PCDHGB3: variants seen among roughly 807,000 people sequenced by gnomAD.
The protein encoded by PCDHGB3 is protocadherin gamma subfamily B, 3, also known as protocadherin gamma-B3.
Under a neutral mutation model 59.2 loss-of-function variants are expected in PCDHGB3, and 40 were observed. That is an observed-to-expected ratio of 0.68 (90% CI 0.52 to 0.88). The LOEUF (loss-of-function observed/expected upper bound fraction) is 0.88, where lower values mean the gene tolerates loss of function less well. Ranked by LOEUF, PCDHGB3 falls within the 40% of genes least tolerant of loss-of-function variation. PCDHGB3 has a pLI of 0.00. For synonymous variants in PCDHGB3, 581 were observed against 503.6 expected, an observed-to-expected ratio of 1.15 and a Z score of -2.06; for missense variants, 1,309 against 1,187.9, an observed-to-expected ratio of 1.10 and a Z score of -1.50.
rs1254986724 is a variant in PCDHGB3, at chr5:141,490,928, C to G, written c.2416-3879C>G. ...CTAGACGAGAATGATAATGCCCCAGCTGTGCTGCACCCACGGCCAGACTGG... is the reference window on the plus strand; with the variant it reads ...CTAGACGAGAATGATAATGCCCCAGGTGTGCTGCACCCACGGCCAGACTGG... On this transcript the variant is annotated intron_variant, in intron 1 of 3. Transcript: ENST00000576222. The surrounding 1 kb of genome is among the most constrained non-coding windows in gnomAD (Gnocchi z 5.4). 2 of 1,613,466 alleles carry G rather than the reference C, an allele frequency of 1.2e-6. No homozygotes were observed. Among genetic ancestry groups the G allele is most frequent in the Non-Finnish European group, 1.7e-6 (2 of 1,179,624 alleles).
chr5:141,387,885 A>G, intron 1 of PCDHGB3: 2 of 1,578,800 alleles, frequency 1.3e-6, no homozygotes, highest in Non-Finnish European at 1.7e-6. Context: ...AGCAAGAGGG[A>G]TGGGGAGCGG....
In PCDHGB3 at chr5:141,490,267, G is replaced by A. The variant is rs765238578; in HGVS notation, c.2416-4540G>A. ...TGTGATTCAAGTGGATGTGGGGGAT[G>A]TCAATGACAATGCCCCAGAGGTGCT... On this transcript the variant is annotated intron_variant, in intron 1 of 3. Transcript: ENST00000576222. The surrounding 1 kb of genome is among the most constrained non-coding windows in gnomAD (Gnocchi z 5.4). The A allele has an allele frequency of 6.2e-7, 1 of 1,614,242 alleles. No homozygotes were observed. The highest frequency in any genetic ancestry group is 1.1e-5 in the South Asian group (1 of 91,084).
chr5:141,490,419 G>C lies in PCDHGB3; in HGVS notation c.2416-4388G>C. The C allele has an allele frequency of 6.2e-7, 1 of 1,614,170 alleles. No homozygotes were observed. Among genetic ancestry groups the C allele is most frequent in the Non-Finnish European group, 8.5e-7 (1 of 1,180,020 alleles). ...TGAGCCTTGATATCTCTCCGGACCT[G>C]CCATTTCAGATTAAGCCTTCTGAGA... On this transcript the variant is annotated intron_variant, in intron 1 of 3. Transcript: ENST00000576222. The surrounding 1 kb of genome is among the most constrained non-coding windows in gnomAD (Gnocchi z 5.4).
intron 1 of PCDHGB3, chr5:141,389,942 G>T: frequency 1.2e-6 from 2 of 1,614,070 alleles, no homozygotes; most frequent in African/African-American, 2.7e-5. Flanking sequence ...AGGCTGAGCT[G>T]CAGTTTTACC....
chr5:141,376,606 A>C (rs1349467952), intron 1 of PCDHGB3: 1 of 1,502,986 alleles, frequency 6.7e-7, no homozygotes, highest in African/African-American at 1.4e-5. Context: ...TATAGAAGCG[A>C]ACCTCTTTTG....
chr5:141,414,533 C>T, intron 1 of PCDHGB3: 1 of 1,613,960 alleles, frequency 6.2e-7, no homozygotes, highest in Non-Finnish European at 8.5e-7. Flanking sequence ...AATGACAACC[C>T]ACCTACCTTC....
At chr5:141,418,726 G>C (rs1399333996) in intron 1 of PCDHGB3, 1 of 1,613,986 alleles carries the variant, frequency 6.2e-7, no homozygotes, top group Non-Finnish European at 8.5e-7. Flanking sequence ...ACAAAGCTCA[G>C]CACGTGTTCT....
In PCDHGB3 at chr5:141,476,506, C is replaced by T; in HGVS notation, c.2416-18301C>T. 1 of 1,614,068 alleles carries T rather than the reference C, an allele frequency of 6.2e-7. No homozygotes were observed. ...AAGTGGTGATCCAGGACATCAACGA[C>T]AACAATCCTGCTTTCCCTACCCAGG... On this transcript the variant is annotated intron_variant, in intron 1 of 3. Transcript: ENST00000576222. This position sits in a 1 kb window ranked among gnomAD's most constrained non-coding sequence, Gnocchi z 7.6.
chr5:141,475,715 C>A (rs989484033), intron 1 of PCDHGB3, among the ~76,000 whole-genome samples: 3 of 152,366 alleles, frequency 2.0e-5, no homozygotes, highest in South Asian at 4.1e-4. Context: ...AGCCTCACAG[C>A]CCCAAGGCTG....
At chr5:141,466,376 C>A (rs1046432765) in intron 1 of PCDHGB3, among the ~76,000 whole-genome samples, 1 of 151,904 alleles carries the variant, frequency 6.6e-6, no homozygotes, top group Non-Finnish European at 1.5e-5. Flanking sequence ...GTTTTGGCAC[C>A]CATCTAATGG....
intron 1 of PCDHGB3, chr5:141,423,618 C>CT (rs1300844043): frequency 1.9e-6 from 3 of 1,608,282 alleles, no homozygotes; most frequent in Admixed American, 1.7e-5. Flanking sequence ...TAGCTGAAGA[C>CT]TCAGCTATCA....
Position 141,477,029 on chromosome 5 carries a change from A to G in PCDHGB3, c.2416-17778A>G. 6.2e-7 allele frequency: 1 copy of G among 1,614,238 alleles called. No homozygotes were observed. The highest frequency in any genetic ancestry group is 8.5e-7 in the Non-Finnish European group (1 of 1,180,040). ...CTTAGACCTTGTAACCGGGATGCTG[A>G]CAATCAAGGGTCGGCTGGACTTCGA... On this transcript the variant is annotated intron_variant, in intron 1 of 3. Coordinates refer to ENST00000576222, the MANE Select transcript of PCDHGB3 (RefSeq NM_018924.5). The surrounding 1 kb of genome is among the most constrained non-coding windows in gnomAD (Gnocchi z 4.9).
chr5:141,371,505 A>G lies in PCDHGB3; in HGVS notation c.1111A>G (p.Thr371Ala). 6.2e-7 allele frequency: 1 copy of G among 1,613,908 alleles called. No homozygotes were observed. The highest frequency in any genetic ancestry group is 8.5e-7 in the Non-Finnish European group (1 of 1,179,820). The change falls in exon 1 of 4, where the codon ACA (threonine) becomes GCA (alanine). Residue 371 changes from threonine to alanine, a missense_variant. Transcript: ENST00000576222. ...GGGGACTGCCGTTGCCCTGATCAAA[A>G]CACATGATCTAGATTCTGGATTTAA... ...ELGTAVALIK[T>A]HDLDSGFNGE...
chr5:141,509,575 T>C (rs186302231), intron 3 of PCDHGB3, among the ~76,000 whole-genome samples: 153 of 152,320 alleles, frequency 1.0e-3, no homozygotes, highest in African/African-American at 3.7e-3. Flanking sequence ...TCACAGTGCG[T>C]ACAAATCAGC....
chr5:141,459,139 A>G (rs1592605909), intron 1 of PCDHGB3, among the ~76,000 whole-genome samples: 1 of 152,360 alleles, frequency 6.6e-6, no homozygotes, highest in Non-Finnish European at 1.5e-5. Flanking sequence ...ACCACCATGC[A>G]ATCAAAATAT....
In PCDHGB3 at chr5:141,477,955, C is replaced by T. The variant is rs748233998; in HGVS notation, c.2416-16852C>T. The T allele has an allele frequency of 3.7e-6, 6 of 1,614,004 alleles. No homozygotes were observed. Among genetic ancestry groups the T allele is most frequent in the Admixed American group, 3.3e-5 (2 of 59,988 alleles). On this transcript the variant is annotated intron_variant, in intron 1 of 3. Transcript: ENST00000576222. This position sits in a 1 kb window ranked among gnomAD's most constrained non-coding sequence, Gnocchi z 4.9. ...GGCTCTCCTACAGTCTCTTGGGATCCCCTAACCAGAGCCTTTTTGCCATAG... is the reference window on the plus strand; with the variant it reads ...GGCTCTCCTACAGTCTCTTGGGATCTCCTAACCAGAGCCTTTTTGCCATAG...
At chr5:141,444,599 A>G (rs373366708) in intron 1 of PCDHGB3, among the ~76,000 whole-genome samples, 2 of 152,108 alleles carry the variant, frequency 1.3e-5, no homozygotes, top group African/African-American at 2.4e-5. Flanking sequence ...CCTTATTTAA[A>G]ATTGATTTTT....
intron 1 of PCDHGB3, among the ~76,000 whole-genome samples, chr5:141,464,625 T>C (rs1477206347): frequency 6.6e-6 from 1 of 152,190 alleles, no homozygotes; most frequent in East Asian, 1.9e-4. Context: ...TGTCAAGCTT[T>C]TTAATTGTTG....
chr5:141,505,577 G>A lies in PCDHGB3; in HGVS notation c.2563+96G>A, dbSNP rs537948666. 8.2e-6 allele frequency: 13 copies of A among 1,589,854 alleles called. No homozygotes were observed. The African/African-American group carries it at 1.1e-4, about 13-fold the overall frequency. Reference sequence around the variant, plus strand: ...TGCCCACGGACTGGATGTCAAACCTGTGTAGTTTCTCCAGATCTTTCGGCA... The same window carrying A: ...TGCCCACGGACTGGATGTCAAACCTATGTAGTTTCTCCAGATCTTTCGGCA... On this transcript the variant is annotated intron_variant, in intron 3 of 3. Coordinates refer to ENST00000576222, the MANE Select transcript of PCDHGB3 (RefSeq NM_018924.5).
Sources: gnomAD v4.1 joint callset for allele counts (sites outside exome capture counted in the v4.1 genomes callset) on GRCh38, gnomAD v4.1.1 for gene constraint, Gnocchi (gnomAD v3.1) non-coding constraint, MANE v1.5 for transcripts, NCBI Gene and HGNC (gene_info 2026-07-23, HGNC 2026-07-21) for gene names.